Variants in LATS2 observed in about 807,000 individuals in gnomAD.
LATS2 encodes serine/threonine-protein kinase LATS2.
A neutral mutation model predicts 76.0 loss-of-function variants in LATS2; 24 were observed. The ratio of observed to expected loss-of-function variants is 0.32; its 90% CI spans 0.23 to 0.44. The LOEUF (loss-of-function observed/expected upper bound fraction) is 0.44. Ranked by LOEUF, LATS2 falls within the 20% of genes least tolerant of loss-of-function variation. LATS2 has a pLI of 1.00. For synonymous variants in LATS2, 692 were observed against 635.4 expected, an observed-to-expected ratio of 1.09 and a Z score of -1.34; for missense variants, 1,286 against 1,481.2, an observed-to-expected ratio of 0.87 and a Z score of 2.16.
At chr13:21,002,909 C>G (rs1315364730) in intron 2 of LATS2, among the ~76,000 whole-genome samples, 1 of 152,044 alleles carries the variant, frequency 6.6e-6, no homozygotes, top group Non-Finnish European at 1.5e-5. Flanking sequence ...ACTATATTGC[C>G]TAGGCTGGTC....
intron 4 of LATS2, among the ~76,000 whole-genome samples, chr13:20,985,086 G>T (rs190654609): frequency 6.6e-6 from 1 of 152,264 alleles, no homozygotes; most frequent in East Asian, 1.9e-4. Context: ...ATATCCATAT[G>T]CAGAAGAATG....
At chr13:21,047,661 CTG>C (rs1182094191) in intron 1 of LATS2, among the ~76,000 whole-genome samples, 1 of 151,518 alleles carries the variant, frequency 6.6e-6, no homozygotes, top group Admixed American at 6.6e-5. Flanking sequence ...AACTTTATAA[CTG>C]TAAACCGCGA....
intron 2 of LATS2, among the ~76,000 whole-genome samples, chr13:21,025,014 C>CATTGATTT (rs572816395): frequency 2.3e-3 from 352 of 152,134 alleles, no homozygotes; most frequent in African/African-American, 7.9e-3. Flanking sequence ...TTTTTTGATT[C>CATTGATTT]ATTGATTTTT....
intron 2 of LATS2, among the ~76,000 whole-genome samples, chr13:21,020,017 G>A (rs1057386014): frequency 6.6e-6 from 1 of 150,444 alleles, no homozygotes; most frequent in Non-Finnish European, 1.5e-5. Flanking sequence ...TCTTCTCATT[G>A]GCATACTTTT....
intron 2 of LATS2, among the ~76,000 whole-genome samples, chr13:21,024,198 C>T (rs1328420186): frequency 1.3e-5 from 2 of 150,660 alleles, no homozygotes; most frequent in Non-Finnish European, 3.0e-5. Flanking sequence ...CTTTGGGAGG[C>T]TGAGGGGGAG....
At chr13:21,000,153 G>A (rs956866040) in intron 2 of LATS2, among the ~76,000 whole-genome samples, 3 of 152,134 alleles carry the variant, frequency 2.0e-5, no homozygotes, top group Non-Finnish European at 2.9e-5. Flanking sequence ...AAGCCGAGGC[G>A]GGCAGATCAC....
intron 2 of LATS2, among the ~76,000 whole-genome samples, chr13:21,035,812 A>G (rs1460301743): frequency 1.3e-5 from 2 of 152,246 alleles, no homozygotes; most frequent in Non-Finnish European, 2.9e-5. Flanking sequence ...GCAAGTAGCC[A>G]GTGATTCCTA....
chr13:21,050,147 G>GATAGATAGATAGATAGATAGATAC lies in LATS2; in HGVS notation c.-204-3918_-204-3917insGTATCTATCTATCTATCTATCTAT, dbSNP rs71200328. On this transcript the variant is annotated intron_variant, in intron 1 of 7. Transcript: ENST00000382592. ...AGACAGATAGATAGATAGATAGATA[G>GATAGATAGATAGATAGATAGATAC]ATACATACATACATACATACATACA... 4.9e-3 allele frequency among the ~76,000 whole-genome samples: 265 copies of GATAGATAGATAGATAGATAGATAC among 53,860 alleles called. 8 individuals are homozygous for GATAGATAGATAGATAGATAGATAC. Among genetic ancestry groups the GATAGATAGATAGATAGATAGATAC allele is most frequent in the African/African-American group, 0.011 (243 of 21,138 alleles). 35.3% of individuals were successfully genotyped at this position (53,860 alleles called of 152,430 possible).
intron 2 of LATS2, among the ~76,000 whole-genome samples, chr13:20,996,063 G>C (rs1199735): frequency 0.84 from 127,326 of 152,134 alleles, 53,855 homozygotes; most frequent in East Asian, 1. Flanking sequence ...ATCCATTGAA[G>C]TTGGTTACCA....
chr13:20,976,225 T>C (rs1869617693), intron 7 of LATS2, among the ~76,000 whole-genome samples: 1 of 152,202 alleles, frequency 6.6e-6, no homozygotes. Flanking sequence ...AAGGCCAACA[T>C]GACTGGCTAC....
chr13:20,993,375 T>C (rs1274831327), intron 2 of LATS2, among the ~76,000 whole-genome samples: 1 of 152,162 alleles, frequency 6.6e-6, no homozygotes, highest in Non-Finnish European at 1.5e-5. Context: ...GGTCTAATAC[T>C]GAATCAAGCT....
chr13:20,981,519 T>C lies in LATS2; in HGVS notation c.2612A>G (p.His871Arg), dbSNP rs772431354. The change falls in exon 6 of 8, where the codon CAT becomes CGT. Residue 871 changes from histidine (H) to arginine (R), a missense_variant. By Grantham distance (29) the His-to-Arg change is conservative (BLOSUM62 0). Transcript: ENST00000382592. The stretch of plus-strand genomic sequence containing the variant: ...GTAGTTTGGAGTCCCCACCAGTGAA[T>C]GTGCCAGGCACCTCTGGTGCTGCTT... ...ARKQHQRCLA[H>R]SLVGTPNYIA... 2.5e-6 allele frequency: 4 copies of C among 1,614,056 alleles called. No homozygotes were observed. Among genetic ancestry groups the C allele is most frequent in the Admixed American group, 1.7e-5 (1 of 60,010 alleles).
chr13:20,975,869 A>G (rs1343888978), intron 7 of LATS2, among the ~76,000 whole-genome samples: 1 of 152,142 alleles, frequency 6.6e-6, no homozygotes, highest in Non-Finnish European at 1.5e-5. Context: ...TTTTTAGTAG[A>G]GACAGGGTTT....
Position 20,986,952 on chromosome 13 carries a change from G to A in LATS2, c.1899+929C>T, listed in dbSNP as rs11838446. On this transcript the variant is annotated intron_variant, in intron 4 of 7. Coordinates refer to ENST00000382592, the MANE Select transcript of LATS2 (RefSeq NM_014572.3). Reference sequence around the variant, plus strand: ...TCACACGTGTAATTCCAGCACTTGGGGAGGCCGAGGTGGGCAGATCACCTG... The same window carrying A: ...TCACACGTGTAATTCCAGCACTTGGAGAGGCCGAGGTGGGCAGATCACCTG... Among the ~76,000 whole-genome samples, 1,465 of 152,296 alleles carry A rather than the reference G, an allele frequency of 9.6e-3. 36 individuals are homozygous for A. Among genetic ancestry groups the A allele is most frequent in the African/African-American group, 0.033 (1,384 of 41,552 alleles).
At chr13:21,023,367 A>C (rs1872150413) in intron 2 of LATS2, among the ~76,000 whole-genome samples, 1 of 151,774 alleles carries the variant, frequency 6.6e-6, no homozygotes, top group Non-Finnish European at 1.5e-5. Flanking sequence ...CTCCAGGCCC[A>C]ATTTTCAGTG....
At chr13:21,041,519 G>C (rs1595252987) in intron 2 of LATS2, among the ~76,000 whole-genome samples, 1 of 152,068 alleles carries the variant, frequency 6.6e-6, no homozygotes, top group Non-Finnish European at 1.5e-5. Flanking sequence ...GGATTAATCA[G>C]GATTAGGAAA....
chr13:21,019,027 T>C (rs1871925036), intron 2 of LATS2, among the ~76,000 whole-genome samples: 1 of 152,134 alleles, frequency 6.6e-6, no homozygotes, highest in Admixed American at 6.5e-5. Flanking sequence ...AATGGCCCAG[T>C]AGCTCTGTAC....
chr13:21,000,129 C>T (rs1402083585), intron 2 of LATS2, among the ~76,000 whole-genome samples: 1 of 152,182 alleles, frequency 6.6e-6, no homozygotes, highest in Non-Finnish European at 1.5e-5. Flanking sequence ...CGCCTGTAAT[C>T]CCAACACTTT....
chr13:20,983,466 T>A lies in LATS2; in HGVS notation c.2240A>T (p.Tyr747Phe). The A allele has an allele frequency of 6.2e-7, 1 of 1,614,092 alleles. No individual in the cohort carries two copies. Among genetic ancestry groups the A allele is most frequent in the Non-Finnish European group, 8.5e-7 (1 of 1,180,004 alleles). ...DKDSLYFVMDYIPGGDMMSLL... is the reference protein window; with the variant it reads ...DKDSLYFVMDFIPGGDMMSLL... ...GCTCATCATGTCCCCACCAGGGATG[T>A]AGTCCATCACAAAGTACAGGCTGTC... Residue 747 changes from tyrosine (Y) to phenylalanine (F), a missense_variant, in exon 5 of 8, where the codon TAC becomes TTC. Coordinates refer to ENST00000382592, the MANE Select transcript of LATS2 (RefSeq NM_014572.3).
Sources: allele counts gnomAD v4.1 joint callset (sites outside exome capture counted in the v4.1 genomes callset), GRCh38; gene constraint gnomAD v4.1.1; transcripts MANE v1.5; gene names NCBI Gene and HGNC (gene_info 2026-07-23, HGNC 2026-07-21).